The following C1orf141 variants were observed in gnomAD, a reference collection of about 807,000 sequenced individuals.
The protein encoded by C1orf141 is chromosome 1 open reading frame 141, also known as uncharacterized protein C1orf141.
C1orf141 carries 19 observed loss-of-function variants against 23.2 expected under a neutral mutation model. The ratio of observed to expected loss-of-function variants is 0.82; its 90% CI spans 0.57 to 1.20. The LOEUF (loss-of-function observed/expected upper bound fraction) is 1.20. Ranked by LOEUF, C1orf141 falls within the 50% of genes most tolerant of loss-of-function variation. The pLI, the probability that C1orf141 is intolerant of heterozygous loss-of-function variation, is 0.00. For synonymous variants in C1orf141, 153 were observed against 154.6 expected, an observed-to-expected ratio of 0.99 and a Z score of 0.08; for missense variants, 469 against 455.1, an observed-to-expected ratio of 1.03 and a Z score of -0.28.
chr1:67,100,598 C>T (rs1236579756), intron 5 of C1orf141, among the ~76,000 whole-genome samples: 1 of 152,046 alleles, frequency 6.6e-6, no homozygotes, highest in African/African-American at 2.4e-5. Context: ...AAAATGTGAC[C>T]ATCAGCTATC....
chr1:67,120,553 T>G (rs1299758877), intron 4 of C1orf141, among the ~76,000 whole-genome samples: 1 of 152,084 alleles, frequency 6.6e-6, no homozygotes, highest in Non-Finnish European at 1.5e-5. Flanking sequence ...GGTGCAGCCT[T>G]TAAGAGGTAA....
At chr1:67,108,428 ACATTGG>A (rs1434555132) in intron 5 of C1orf141, among the ~76,000 whole-genome samples, 9 of 152,300 alleles carry the variant, frequency 5.9e-5, no homozygotes, top group African/African-American at 2.2e-4. Flanking sequence ...TAATACCATC[ACATTGG>A]CTATTAAGTT....
intron 1 of C1orf141, among the ~76,000 whole-genome samples, chr1:67,132,454 C>A (rs183794495): frequency 6.4e-4 from 97 of 151,906 alleles, no homozygotes; most frequent in Admixed American, 1.1e-3. Context: ...ACCCAGGTGG[C>A]GGAGGTTGCA....
intron 5 of C1orf141, among the ~76,000 whole-genome samples, chr1:67,104,052 A>G (rs539216689): frequency 5.9e-5 from 9 of 152,290 alleles, no homozygotes; most frequent in African/African-American, 2.2e-4. Context: ...AAATAAAAAT[A>G]AGGTATATGA....
chr1:67,095,769 G>A (rs1044526048), intron 6 of C1orf141: 2 of 199,686 alleles, frequency 1.0e-5, no homozygotes, highest in Non-Finnish European at 2.0e-5. Context: ...TGCCAACATA[G>A]GGTGGCCCCA....
At chr1:67,103,506 GT>G in intron 5 of C1orf141, 1 of 503,870 alleles carries the variant, frequency 2.0e-6, no homozygotes. Flanking sequence ...CAGCTGTCTG[GT>G]TCTTTAAATA....
chr1:67,125,717 CT>C (rs761120297), intron 4 of C1orf141, 34 bp downstream of exon 4: 1 of 1,595,540 alleles, frequency 6.3e-7, no homozygotes, highest in South Asian at 1.1e-5. Context: ...CAAACAAATT[CT>C]GAACTGAAAA....
chr1:67,111,672 T>G (rs569873590), intron 5 of C1orf141: 11 of 1,121,966 alleles, frequency 9.8e-6, no homozygotes, highest in Non-Finnish European at 1.1e-5. Context: ...AGTATTTCCA[T>G]GCTATTAAGT....
intron 4 of C1orf141, among the ~76,000 whole-genome samples, chr1:67,124,562 G>A (rs576498384): frequency 3.3e-5 from 5 of 152,114 alleles, no homozygotes; most frequent in South Asian, 4.2e-4. Context: ...CAGGCAATTC[G>A]CCCACCTCAG....
At chr1:67,096,839 C>T (rs1393111620) in intron 5 of C1orf141, among the ~76,000 whole-genome samples, 4 of 152,168 alleles carry the variant, frequency 2.6e-5, no homozygotes, top group African/African-American at 9.7e-5. Context: ...TATTCTAGTG[C>T]AGTACTTCCC....
At chr1:67,126,306 TC>T (rs1313984794) in intron 3 of C1orf141, among the ~76,000 whole-genome samples, 3 of 152,180 alleles carry the variant, frequency 2.0e-5, no homozygotes, top group African/African-American at 7.2e-5. Context: ...ATCACACCAA[TC>T]TTCCTCTAGT....
intron 5 of C1orf141, among the ~76,000 whole-genome samples, chr1:67,107,749 G>T (rs1412184609): frequency 6.6e-6 from 1 of 152,140 alleles, no homozygotes; most frequent in African/African-American, 2.4e-5. Context: ...AATTAGCCGG[G>T]CGTGGTGGCG....
intron 2 of C1orf141, 55 bp from the exon 3 acceptor site, chr1:67,127,312 C>G (rs1420145720): frequency 7.8e-6 from 8 of 1,019,618 alleles, no homozygotes; most frequent in African/African-American, 6.4e-5. Flanking sequence ...AAACATAAAA[C>G]TAGGCATAAG....
In C1orf141 at chr1:67,121,038, C is replaced by A. The variant is rs191600899; in HGVS notation, c.233+4714G>T. 2.5e-3 allele frequency among the ~76,000 whole-genome samples: 374 copies of A among 152,226 alleles called. 2 individuals are homozygous for A. Among genetic ancestry groups the A allele is most frequent in the Non-Finnish European group, 4.1e-3 (282 of 68,018 alleles). On this transcript the variant is annotated intron_variant, in intron 4 of 7. Coordinates refer to ENST00000684719, the MANE Select transcript of C1orf141 (RefSeq NM_001276351.2). The stretch of plus-strand genomic sequence containing the variant: ...TGTGCTCTTTATGACTAAAGTTGGC[C>A]AGAAAATGATTGATGACTAAGGGAA...
In C1orf141 at chr1:67,092,773, G is replaced by A. The variant is rs776595247; in HGVS notation, c.*232C>T. 6.1e-6 allele frequency: 2 copies of A among 329,138 alleles called. No homozygotes were observed. The highest frequency in any genetic ancestry group is 4.0e-5 in the South Asian group (1 of 25,184). The allele number at this position is 329,138 out of a possible 1,614,324, so 20.4% of individuals were successfully genotyped here. Reference sequence around the variant, plus strand: ...AGCAATCTAATTGAGATAATAGAAAGTCATGAACTAGATCCTCTTGGTGAT... The same window carrying A: ...AGCAATCTAATTGAGATAATAGAAAATCATGAACTAGATCCTCTTGGTGAT... On this transcript the variant is annotated 3_prime_UTR_variant, in exon 8 of 8. Transcript: ENST00000684719.
intron 5 of C1orf141, among the ~76,000 whole-genome samples, chr1:67,101,449 AGTGTGT>A (rs10688535): frequency 2.8e-4 from 38 of 135,378 alleles, no homozygotes; most frequent in Admixed American, 6.7e-4. Context: ...TGAATGTAAG[AGTGTGT>A]GTGTGTGTGT....
intron 4 of C1orf141, among the ~76,000 whole-genome samples, chr1:67,119,887 C>A (rs918323428): frequency 6.6e-6 from 1 of 152,234 alleles, no homozygotes. Context: ...AGGGATGCCA[C>A]TCCCACAACA....
intron 4 of C1orf141, among the ~76,000 whole-genome samples, 190 bp from the exon 5 acceptor site, chr1:67,115,654 T>C (rs1558197547): frequency 6.6e-6 from 1 of 152,160 alleles, no homozygotes; most frequent in African/African-American, 2.4e-5. Flanking sequence ...TTTAGTCGTT[T>C]AAAGTGGAGG....
chr1:67,135,164 A>T (rs1394434223), upstream of C1orf141, among the ~76,000 whole-genome samples: 1 of 152,252 alleles, frequency 6.6e-6, no homozygotes, highest in Non-Finnish European at 1.5e-5. Flanking sequence ...ATTATGCTGA[A>T]GGAGTGGAAG....
Sources: allele counts gnomAD v4.1 joint callset (sites outside exome capture counted in the v4.1 genomes callset), GRCh38; gene constraint gnomAD v4.1.1; transcripts MANE v1.5; gene names NCBI Gene and HGNC (gene_info 2026-07-23, HGNC 2026-07-21).